Variants in ATRNL1 observed in about 807,000 individuals in gnomAD.
ATRNL1 encodes attractin like 1, also known as attractin-like protein 1.
In ATRNL1, 95 loss-of-function variants were observed where a neutral mutation model predicts 182.7. That is an observed-to-expected ratio of 0.52 (90% CI 0.44 to 0.62). ATRNL1 has a LOEUF of 0.62. Among genes scored for constraint, ATRNL1 ranks in the 20% least tolerant of loss-of-function variants. The pLI is 0.00. For synonymous variants in ATRNL1, 576 were observed against 568.3 expected (o/e 1.01, Z -0.19); for missense variants, 1,471 against 1,679.5 (o/e 0.88, Z 2.17).
chr10:115,402,060 T>G (rs1321428681), intron 20 of ATRNL1, among the ~76,000 whole-genome samples: 3 of 152,174 alleles, frequency 2.0e-5, no homozygotes, highest in African/African-American at 7.2e-5. Context: ...AGGATAGCTA[T>G]TGGTGATGAG....
At chr10:115,301,152 C>T (rs1311083349) in intron 16 of ATRNL1, among the ~76,000 whole-genome samples, 3 of 152,108 alleles carry the variant, frequency 2.0e-5, no homozygotes, top group East Asian at 1.9e-4. Context: ...TCAATGGATA[C>T]TTGCGTTGCT....
chr10:115,320,865 T>C (rs1854547281), intron 18 of ATRNL1, among the ~76,000 whole-genome samples: 1 of 152,234 alleles, frequency 6.6e-6, no homozygotes, highest in Non-Finnish European at 1.5e-5. Flanking sequence ...TGAAGCCTAC[T>C]TCTGTCAATT....
chr10:115,794,522 C>CCTTGACTTTCATGGG (rs1949604732), intron 27 of ATRNL1, among the ~76,000 whole-genome samples: 1 of 152,124 alleles, frequency 6.6e-6, no homozygotes, highest in South Asian at 2.1e-4. Flanking sequence ...CACAGTCTTT[C>CCTTGACTTTCATGGG]CTTGACTTTC....
chr10:115,258,881 G>GC (rs1351929667), intron 10 of ATRNL1, among the ~76,000 whole-genome samples: 1 of 152,174 alleles, frequency 6.6e-6, no homozygotes, highest in Non-Finnish European at 1.5e-5. Flanking sequence ...TCCCTCAGCT[G>GC]CAAGTCTGTT....
At chr10:115,810,324 C>G (rs1307497391) in intron 27 of ATRNL1, among the ~76,000 whole-genome samples, 2 of 151,828 alleles carry the variant, frequency 1.3e-5, no homozygotes, top group Non-Finnish European at 2.9e-5. Context: ...ATGTTTCCTC[C>G]TCATCTGTTT....
intron 26 of ATRNL1, among the ~76,000 whole-genome samples, chr10:115,616,093 G>A (rs907056020): frequency 6.6e-6 from 1 of 152,144 alleles, no homozygotes; most frequent in Non-Finnish European, 1.5e-5. Context: ...GATATGGACA[G>A]TAAAGGTGAG....
chr10:115,545,707 A>G (rs1337532405), intron 25 of ATRNL1, among the ~76,000 whole-genome samples: 3 of 152,328 alleles, frequency 2.0e-5, no homozygotes, highest in Admixed American at 2.0e-4. Flanking sequence ...TTAATCATAT[A>G]AAAATACATT....
intron 26 of ATRNL1, among the ~76,000 whole-genome samples, chr10:115,679,955 G>T (rs1408756073): frequency 1.3e-5 from 2 of 151,904 alleles, no homozygotes; most frequent in Non-Finnish European, 2.9e-5. Flanking sequence ...TCTTCTCCTA[G>T]AACTTAAACA....
intron 21 of ATRNL1, among the ~76,000 whole-genome samples, chr10:115,453,747 T>C (rs1196587480): frequency 1.5e-5 from 2 of 130,724 alleles, no homozygotes; most frequent in African/African-American, 5.9e-5. Flanking sequence ...AATTGAACAA[T>C]GAGAACACAT....
At chr10:115,129,646 ATTTAC>A in intron 5 of ATRNL1, 111 bp downstream of exon 5, 2 of 716,720 alleles carry the variant, frequency 2.8e-6, no homozygotes, top group South Asian at 2.7e-5. Context: ...AGCCTTATAT[ATTTAC>A]TTTTATTTTT....
At chr10:115,250,769 G>T (rs1850843195) in intron 10 of ATRNL1, among the ~76,000 whole-genome samples, 2 of 152,178 alleles carry the variant, frequency 1.3e-5, no homozygotes, top group African/African-American at 4.8e-5. Flanking sequence ...CTGAATCTTT[G>T]TAGGTTTTAT....
chr10:115,448,566 A>G (rs1280889171), intron 21 of ATRNL1, among the ~76,000 whole-genome samples: 9 of 152,158 alleles, frequency 5.9e-5, no homozygotes, highest in Non-Finnish European at 1.0e-4. Flanking sequence ...CCACATCAAA[A>G]AGTTAGAAAG....
intron 5 of ATRNL1, among the ~76,000 whole-genome samples, chr10:115,157,898 C>T (rs1208235797): frequency 4.6e-5 from 7 of 151,914 alleles, no homozygotes; most frequent in South Asian, 2.1e-4. Flanking sequence ...TAAAAATGTA[C>T]CCAATTTTCA....
intron 27 of ATRNL1, among the ~76,000 whole-genome samples, chr10:115,749,441 C>T (rs1349545915): frequency 6.6e-6 from 1 of 151,648 alleles, no homozygotes; most frequent in Non-Finnish European, 1.5e-5. Context: ...GAAATTTATA[C>T]ATAGTTTTCA....
At chr10:115,776,304 T>C (rs1949124595) in intron 27 of ATRNL1, among the ~76,000 whole-genome samples, 1 of 152,228 alleles carries the variant, frequency 6.6e-6, no homozygotes, top group African/African-American at 2.4e-5. Flanking sequence ...CTAAATAGTA[T>C]ATGCCACTAC....
chr10:115,419,864 A>G (rs565921025), intron 20 of ATRNL1, among the ~76,000 whole-genome samples: 137 of 152,278 alleles, frequency 9.0e-4, no homozygotes, highest in African/African-American at 3.1e-3. Flanking sequence ...CAGATCGTCC[A>G]GACAGAAAAT....
chr10:115,549,399 T>C, intron 25 of ATRNL1, 59 bp from the exon 26 acceptor site: 1 of 1,304,634 alleles, frequency 7.7e-7, no homozygotes, highest in Non-Finnish European at 1.1e-6. Context: ...ATGTACTGTT[T>C]TTTCATTACA....
intron 26 of ATRNL1, among the ~76,000 whole-genome samples, chr10:115,585,500 G>A (rs1770669941): frequency 8.2e-6 from 1 of 122,158 alleles, no homozygotes; most frequent in African/African-American, 3.3e-5. Flanking sequence ...TTACCATTAT[G>A]TAATGGCCTT....
intron 5 of ATRNL1, among the ~76,000 whole-genome samples, chr10:115,153,448 A>G (rs2143929027): frequency 6.6e-6 from 1 of 152,188 alleles, no homozygotes; most frequent in South Asian, 2.1e-4. Flanking sequence ...GGGAGGGTGT[A>G]TGTGTCCAGG....
Sources: gnomAD v4.1 joint callset for allele counts (sites outside exome capture counted in the v4.1 genomes callset) on GRCh38, gnomAD v4.1.1 for gene constraint, MANE v1.5 for transcripts, NCBI Gene and HGNC (gene_info 2026-07-23, HGNC 2026-07-21) for gene names.